Variants in WDR72 observed in about 807,000 individuals in gnomAD.
The protein encoded by WDR72 is WD repeat-containing protein 72.
WDR72 carries 120 observed loss-of-function variants against 124.2 expected under a neutral mutation model. That is an observed-to-expected ratio of 0.97 (90% CI 0.83 to 1.12). WDR72 has a LOEUF of 1.12. Among genes scored for constraint, WDR72 ranks in the 50% most tolerant of loss-of-function variants. The pLI is 0.00. For missense variants in WDR72, 1,387 were observed against 1,278.8 expected (o/e 1.08, Z -1.29); for synonymous variants, 452 against 441.7 (o/e 1.02, Z -0.29).
chr15:53,702,111 T>C, intron 12 of WDR72, 23 bp downstream of exon 12: 1 of 1,563,948 alleles, frequency 6.4e-7, no homozygotes, highest in Non-Finnish European at 8.8e-7. Context: ...AATTTAGATG[T>C]TATATTTTAC....
intron 14 of WDR72, among the ~76,000 whole-genome samples, chr15:53,644,852 A>G (rs2140417613): frequency 6.6e-6 from 1 of 152,242 alleles, no homozygotes; most frequent in South Asian, 2.1e-4. Context: ...CTGAGCTTAC[A>G]ATAGAGACAA....
At chr15:53,545,174 T>C (rs1168034942) in intron 18 of WDR72, among the ~76,000 whole-genome samples, 2 of 151,294 alleles carry the variant, frequency 1.3e-5, no homozygotes, top group Admixed American at 6.6e-5. Flanking sequence ...TTAAAGTTCA[T>C]GTGGAACCAA....
chr15:53,552,645 G>T (rs1240960758), intron 18 of WDR72, among the ~76,000 whole-genome samples: 2 of 152,082 alleles, frequency 1.3e-5, no homozygotes, highest in African/African-American at 4.8e-5. Context: ...ATCGAAAACA[G>T]ACACATAGAA....
chr15:53,675,844 G>T (rs118027214), intron 13 of WDR72, among the ~76,000 whole-genome samples: 1 of 152,160 alleles, frequency 6.6e-6, no homozygotes, highest in Non-Finnish European at 1.5e-5. Context: ...TGGGTGAGGG[G>T]TGAAGTCCTA....
chr15:53,679,901 T>A (rs73410172), intron 13 of WDR72, among the ~76,000 whole-genome samples: 11,332 of 150,258 alleles, frequency 0.075, 1,087 homozygotes, highest in African/African-American at 0.22. Context: ...TGGAGCAAGG[T>A]CTAACAGAGC....
At chr15:53,733,602 C>T (rs186456549) in intron 1 of WDR72, among the ~76,000 whole-genome samples, 97 of 152,146 alleles carry the variant, frequency 6.4e-4, no homozygotes, top group African/African-American at 2.3e-3. Context: ...GGTGAATTTG[C>T]TATTAAAAAA....
chr15:53,728,453 G>C (rs371469567), intron 2 of WDR72, among the ~76,000 whole-genome samples: 2 of 152,130 alleles, frequency 1.3e-5, no homozygotes, highest in Non-Finnish European at 2.9e-5. Flanking sequence ...CACAATCACA[G>C]AGTAGTGTTT....
intron 13 of WDR72, among the ~76,000 whole-genome samples, chr15:53,676,858 C>T (rs920719766): frequency 6.6e-6 from 1 of 151,498 alleles, no homozygotes; most frequent in African/African-American, 2.4e-5. Context: ...TACTTTTACT[C>T]AGAACAACAT....
chr15:53,631,976 T>TA (rs2014447234), intron 14 of WDR72, among the ~76,000 whole-genome samples: 1 of 152,134 alleles, frequency 6.6e-6, no homozygotes, highest in Non-Finnish European at 1.5e-5. Context: ...CCCAGCCATG[T>TA]GGTAGAAATG....
At chr15:53,552,587 T>G (rs1893778718) in intron 18 of WDR72, among the ~76,000 whole-genome samples, 1 of 152,186 alleles carries the variant, frequency 6.6e-6, no homozygotes, top group Admixed American at 6.5e-5. Context: ...AAATGCATTC[T>G]CTATTGGAGT....
At chr15:53,734,419 A>C (rs1296952533) in intron 1 of WDR72, among the ~76,000 whole-genome samples, 2 of 152,210 alleles carry the variant, frequency 1.3e-5, no homozygotes, top group Non-Finnish European at 2.9e-5. Flanking sequence ...ATCATACTAC[A>C]AAGCTACCCA....
intron 14 of WDR72, among the ~76,000 whole-genome samples, chr15:53,623,099 T>G (rs1358505338): frequency 2.6e-5 from 4 of 152,214 alleles, no homozygotes; most frequent in Non-Finnish European, 5.9e-5. Flanking sequence ...TAAAATATTG[T>G]ATACTATACG....
chr15:53,593,580 G>C (rs1332851134), intron 18 of WDR72, among the ~76,000 whole-genome samples: 1 of 151,884 alleles, frequency 6.6e-6, no homozygotes, highest in Non-Finnish European at 1.5e-5. Flanking sequence ...TGGGTAACAT[G>C]GTGAAACCCC....
chr15:53,599,369 C>A (rs952186520), intron 17 of WDR72, among the ~76,000 whole-genome samples: 32 of 152,032 alleles, frequency 2.1e-4, no homozygotes, highest in South Asian at 4.1e-4. Context: ...AGAAAGAACT[C>A]AGGATTATAA....
intron 18 of WDR72, among the ~76,000 whole-genome samples, chr15:53,564,254 C>A (rs1894222246): frequency 6.6e-6 from 1 of 151,650 alleles, no homozygotes; most frequent in African/African-American, 2.4e-5. Context: ...TTTTTGGAGG[C>A]AAATTTATAT....
At chr15:53,588,923 T>C (rs1171917986) in intron 18 of WDR72, among the ~76,000 whole-genome samples, 1 of 151,824 alleles carries the variant, frequency 6.6e-6, no homozygotes, top group East Asian at 1.9e-4. Context: ...TGGGGGCTAC[T>C]GTAAGAGACC....
upstream of WDR72, among the ~76,000 whole-genome samples, chr15:53,760,950 C>T (rs1012501616): frequency 1.4e-4 from 21 of 152,136 alleles, 1 homozygote; most frequent in Admixed American, 1.3e-3. Context: ...ATGATGAAAA[C>T]CTGTCTCTAC....
Position 53,514,520 on chromosome 15 carries a change from C to A in WDR72, c.*3179G>T, listed in dbSNP as rs1396349553. 6.6e-6 allele frequency: 1 copy of A among 151,980 alleles called. No homozygotes were observed. The highest frequency in any genetic ancestry group is 1.5e-5 in the Non-Finnish European group (1 of 67,992). The allele number at this position is 151,980 out of a possible 1,614,324, so 9.4% of individuals were successfully genotyped here. ...ATGAAAGGATTTTAAAAATACAGAA[C>A]ACTGGAAAAAATGTATGAGAAAAGA... On this transcript the variant is annotated 3_prime_UTR_variant, in exon 20 of 20. Coordinates refer to ENST00000360509, the MANE Select transcript of WDR72 (RefSeq NM_182758.4).
intron 18 of WDR72, among the ~76,000 whole-genome samples, chr15:53,567,312 T>C (rs1375795967): frequency 2.6e-5 from 4 of 152,020 alleles, no homozygotes; most frequent in Non-Finnish European, 5.9e-5. Context: ...CTGTGTAATA[T>C]GTAGTTCATA....
Sources: allele counts gnomAD v4.1 joint callset (sites outside exome capture counted in the v4.1 genomes callset), GRCh38; gene constraint gnomAD v4.1.1; transcripts MANE v1.5; gene names NCBI Gene and HGNC (gene_info 2026-07-23, HGNC 2026-07-21).